Variants in CDCP1 observed in about 807,000 individuals in gnomAD.
CDCP1 encodes the protein CUB domain-containing protein 1.
In CDCP1, 29 loss-of-function variants were observed where a neutral mutation model predicts 60.2. That is an observed-to-expected ratio of 0.48 (90% confidence interval 0.36 to 0.66). The LOEUF is 0.66. Among genes scored for constraint, CDCP1 ranks in the 30% least tolerant of loss-of-function variants. The pLI is 0.00. For missense variants in CDCP1, 876 were observed against 1,074.3 expected, an observed-to-expected ratio of 0.82 and a Z score of 2.58; for synonymous variants, 387 against 431.1, an observed-to-expected ratio of 0.90 and a Z score of 1.27.
chr3:45,097,572 C>A (rs1000612555), intron 4 of CDCP1, among the ~76,000 whole-genome samples: 1 of 150,766 alleles, frequency 6.6e-6, no homozygotes, highest in East Asian at 1.9e-4. Context: ...GCTAACTTTG[C>A]AATTCAAGGG....
intron 1 of CDCP1, among the ~76,000 whole-genome samples, chr3:45,123,257 C>A (rs1698917013): frequency 6.6e-6 from 1 of 152,144 alleles, no homozygotes; most frequent in Non-Finnish European, 1.5e-5. Context: ...TAATATGTTT[C>A]TTTGCCCTGG....
At chr3:45,103,176 T>C (rs1698510222) in intron 4 of CDCP1, among the ~76,000 whole-genome samples, 1 of 152,202 alleles carries the variant, frequency 6.6e-6, no homozygotes, top group Non-Finnish European at 1.5e-5. Flanking sequence ...GATTTTCTGA[T>C]TTCTATCACT....
chr3:45,108,220 A>G (rs1369696769), intron 4 of CDCP1, among the ~76,000 whole-genome samples: 1 of 152,106 alleles, frequency 6.6e-6, no homozygotes, highest in African/African-American at 2.4e-5. Flanking sequence ...GTCCACATAG[A>G]GGTTCAGAGG....
chr3:45,091,551 G>A lies in CDCP1; in HGVS notation c.1628-13C>T. 1 of 1,587,430 alleles carries A rather than the reference G, an allele frequency of 6.3e-7. No homozygotes were observed. The highest frequency in any genetic ancestry group is 8.6e-7 in the Non-Finnish European group (1 of 1,169,376). On this transcript the variant is annotated splice_polypyrimidine_tract_variant and intron_variant, in intron 6 of 8. Coordinates refer to ENST00000296129, the MANE Select transcript of CDCP1 (RefSeq NM_022842.5). The surrounding 1 kb of genome is among the most constrained non-coding windows in gnomAD (Gnocchi z 4.8). ...AAAACGCCTTCCTCTGCAGGAAAGG[G>A]AGGGAGATCCAGACAGATGTTTCAT...
chr3:45,126,922 G>A (rs1347527081), intron 1 of CDCP1, among the ~76,000 whole-genome samples: 1 of 152,200 alleles, frequency 6.6e-6, no homozygotes, highest in African/African-American at 2.4e-5. Flanking sequence ...ATTAATAAGA[G>A]GTAGAGACAA....
Position 45,082,957 on chromosome 3 carries a change from A to G in CDCP1, c.*2681T>C, listed in dbSNP as rs1352789661. ...CCAGGAAATACTGGTCTCAGGAGCCAGCAACTTGTCCAGGAGTTTTGAGCC... is the reference window on the plus strand; with the variant it reads ...CCAGGAAATACTGGTCTCAGGAGCCGGCAACTTGTCCAGGAGTTTTGAGCC... On this transcript the variant is annotated 3_prime_UTR_variant, in exon 9 of 9. Coordinates refer to ENST00000296129, the MANE Select transcript of CDCP1 (RefSeq NM_022842.5). The G allele has an allele frequency of 6.6e-6, 1 of 152,248 alleles. No individual in the cohort carries two copies. Among genetic ancestry groups the G allele is most frequent in the Non-Finnish European group, 1.5e-5 (1 of 68,042 alleles). The allele number at this position is 152,248 out of a possible 1,614,324, so 9.4% of individuals were successfully genotyped here. A position where few individuals can be genotyped will look rare whatever the true frequency, so the allele number is the denominator to read the frequency against.
At chr3:45,096,623 C>T (rs1416071423) in intron 4 of CDCP1, among the ~76,000 whole-genome samples, 2 of 53,182 alleles carry the variant, frequency 3.8e-5, no homozygotes, top group African/African-American at 1.4e-4. Context: ...GACTCCGTCT[C>T]AAAAAAAAAA....
chr3:45,141,492 G>A (rs941030392), intron 1 of CDCP1, among the ~76,000 whole-genome samples: 13 of 152,208 alleles, frequency 8.5e-5, no homozygotes, highest in African/African-American at 3.1e-4. Context: ...GATGTATAGC[G>A]TTGCTTAGTG....
intron 8 of CDCP1, among the ~76,000 whole-genome samples, chr3:45,088,020 TA>T (rs11423025): frequency 4.0e-5 from 6 of 149,240 alleles, no homozygotes; most frequent in Admixed American, 6.7e-5. Flanking sequence ...GACTCTGTCT[TA>T]AAAAAAAAAA....
chr3:45,095,930 G>A (rs1698389440), intron 4 of CDCP1, among the ~76,000 whole-genome samples: 1 of 152,234 alleles, frequency 6.6e-6, no homozygotes, highest in African/African-American at 2.4e-5. Flanking sequence ...TGATTGAGCA[G>A]CTCACAGGAA....
intron 4 of CDCP1, among the ~76,000 whole-genome samples, chr3:45,109,652 G>A (rs1698654464): frequency 6.6e-6 from 1 of 151,968 alleles, no homozygotes; most frequent in Admixed American, 6.5e-5. Flanking sequence ...AGACTGGGGT[G>A]AGGCAAGCCA....
At chr3:45,102,539 T>C (rs946176674) in intron 4 of CDCP1, among the ~76,000 whole-genome samples, 1 of 148,896 alleles carries the variant, frequency 6.7e-6, no homozygotes, top group Non-Finnish European at 1.5e-5. Context: ...GCATGGTGGC[T>C]CATGCCTGTA....
At chr3:45,113,502 A>G (rs897168310) in intron 2 of CDCP1, among the ~76,000 whole-genome samples, 1 of 152,220 alleles carries the variant, frequency 6.6e-6, no homozygotes, top group Admixed American at 6.5e-5. Context: ...TCTGGCCTCC[A>G]TAATAATAAT....
In CDCP1 at chr3:45,108,780, C is replaced by T. The variant is rs186599202; in HGVS notation, c.1024+1693G>A. 8.0e-3 allele frequency among the ~76,000 whole-genome samples: 230 copies of T among 28,756 alleles called. 2 individuals are homozygous for T. The highest frequency in any genetic ancestry group is 0.024 in the Middle Eastern group (1 of 42). 18.9% of individuals were successfully genotyped at this position (28,756 alleles called of 152,430 possible). A position where few individuals can be genotyped will look rare whatever the true frequency, so the allele number is the denominator to read the frequency against. ...ATGTATATATATATATGCATGTATA[C>T]ATATATATGCATGTATATATATATA... On this transcript the variant is annotated intron_variant, in intron 4 of 8. Transcript: ENST00000296129.
At chr3:45,098,073 G>A (rs1698431338) in intron 4 of CDCP1, among the ~76,000 whole-genome samples, 2 of 151,984 alleles carry the variant, frequency 1.3e-5, no homozygotes, top group Non-Finnish European at 1.5e-5. Context: ...TGCAGTCCCT[G>A]CTTACCTTTA....
intron 1 of CDCP1, among the ~76,000 whole-genome samples, chr3:45,137,362 C>A (rs778443245): frequency 6.6e-6 from 1 of 152,168 alleles, no homozygotes; most frequent in Non-Finnish European, 1.5e-5. Flanking sequence ...TACCTTCCCA[C>A]CAGTATTCCA....
At chr3:45,137,567 G>C (rs1304603933) in intron 1 of CDCP1, among the ~76,000 whole-genome samples, 1 of 151,426 alleles carries the variant, frequency 6.6e-6, no homozygotes, top group Non-Finnish European at 1.5e-5. Context: ...AGCACTTTGG[G>C]AGGCCAAGGT....
chr3:45,095,364 T>C lies in CDCP1; in HGVS notation c.1229A>G (p.Asn410Ser), dbSNP rs1218035948. The C allele has an allele frequency of 6.2e-7, 1 of 1,614,052 alleles. No individual in the cohort carries two copies. The highest frequency in any genetic ancestry group is 8.5e-7 in the Non-Finnish European group (1 of 1,180,004). ...LCDDLTRLWM[N>S]VEKTISCTDH... ...GGGCGTACTTATGGTTTTTTCCACA[T>C]TCATCCACAGACGTGTCAGATCATC... The change falls in exon 5 of 9, where the codon AAT becomes AGT. Residue 410 changes from asparagine to serine, a missense_variant. Asn to Ser is a conservative substitution (Grantham distance 46). Around this residue, in one of 2 missense-constraint regions of CDCP1, gnomAD observed 726 missense variants for 935.7 expected, o/e 0.78. Transcript: ENST00000296129.
intron 7 of CDCP1, among the ~76,000 whole-genome samples, chr3:45,089,709 G>C (rs750347632): frequency 6.6e-6 from 1 of 152,166 alleles, no homozygotes; most frequent in Non-Finnish European, 1.5e-5. Flanking sequence ...TTTTGGGGTA[G>C]TTTGTATATA....
Sources: allele counts gnomAD v4.1 joint callset (sites outside exome capture counted in the v4.1 genomes callset), GRCh38; gene constraint gnomAD v4.1.1; regional missense constraint gnomAD v4.1.1; non-coding constraint Gnocchi (gnomAD v3.1); transcripts MANE v1.5; gene names NCBI Gene and HGNC (gene_info 2026-07-23, HGNC 2026-07-21).